Variants in PRIM2 observed in about 807,000 individuals in gnomAD.
PRIM2 encodes the protein DNA primase subunit 2.
Under a neutral mutation model 67.3 loss-of-function variants are expected in PRIM2, and 39 were observed. The observed-to-expected ratio is 0.58, with a 90% CI of 0.45 to 0.76. PRIM2 has a LOEUF of 0.76. Among genes scored for constraint, PRIM2 ranks in the 30% least tolerant of loss-of-function variants. The probability of loss-of-function intolerance (pLI) is 0.00; values close to 1 mark genes in which losing one functional copy is unlikely to be tolerated. For synonymous variants in PRIM2, 143 were observed against 198.7 expected, an observed-to-expected ratio of 0.72 and a Z score of 2.36; for missense variants, 398 against 598.7, an observed-to-expected ratio of 0.66 and a Z score of 3.50.
chr6:57,256,114 A>G, the PRIM2 span, among the ~76,000 whole-genome samples: 2 of 152,216 alleles, frequency 1.3e-5, no homozygotes, highest in South Asian at 4.1e-4. Flanking sequence ...CCATCAGCAT[A>G]CTGATTACAG....
chr6:57,505,479 C>T (rs1774231143), intron 7 of PRIM2, among the ~76,000 whole-genome samples: 1 of 152,156 alleles, frequency 6.6e-6, no homozygotes, highest in Non-Finnish European at 1.5e-5. Context: ...CATTCTGTGC[C>T]TATTGTTTCA....
rs1774637581 is a variant in PRIM2, at chr6:57,522,099, G to A, written c.762-10312G>A. ...ATTCAGGTTACCGCCAAGCTAATCA[G>A]AATTCAAGATTGCTTCCCTAATAGT... On this transcript the variant is annotated intron_variant, in intron 8 of 13. Transcript: ENST00000615550. Among the ~76,000 whole-genome samples the A allele has an allele frequency of 2.0e-5, 3 of 151,834 alleles. No individual in the cohort carries two copies. The South Asian group carries it at 6.3e-4, about 32-fold the overall frequency.
At chr6:57,518,908 T>C (rs1414288198) in intron 8 of PRIM2, among the ~76,000 whole-genome samples, 1 of 152,186 alleles carries the variant, frequency 6.6e-6, no homozygotes. Flanking sequence ...CCTGCCCCGA[T>C]ATTCACGTAG....
chr6:57,370,898 A>G (rs1769531719), intron 5 of PRIM2, among the ~76,000 whole-genome samples: 1 of 152,036 alleles, frequency 6.6e-6, no homozygotes, highest in East Asian at 1.9e-4. Flanking sequence ...GGGTTTCACC[A>G]TGTTGGCCAG....
chr6:57,294,452 G>T, the PRIM2 span, among the ~76,000 whole-genome samples: 1 of 152,250 alleles, frequency 6.6e-6, no homozygotes, highest in African/African-American at 2.4e-5. Context: ...CTGCACTCCA[G>T]CCTGGGCAAC....
chr6:57,304,457 T>C, the PRIM2 span, among the ~76,000 whole-genome samples: 1 of 152,216 alleles, frequency 6.6e-6, no homozygotes, highest in Admixed American at 6.5e-5. Context: ...ATTCCCACAG[T>C]GAAGGTCATT....
rs571328997 is a variant in PRIM2, at chr6:57,389,496, A to G, written c.693+7328A>G. ...AAGAAACCAGACTTCCAAAAAATGTATTTATACACATCTTATTTAGATACA... is the reference window on the plus strand; with the variant it reads ...AAGAAACCAGACTTCCAAAAAATGTGTTTATACACATCTTATTTAGATACA... On this transcript the variant is annotated intron_variant, in intron 7 of 13. Coordinates refer to ENST00000615550, the MANE Select transcript of PRIM2 (RefSeq NM_000947.5). 4.7e-4 allele frequency among the ~76,000 whole-genome samples: 72 copies of G among 152,270 alleles called. No individual in the cohort carries two copies. In the East Asian group the frequency reaches 0.011, roughly 23 times the overall value.
intron 7 of PRIM2, among the ~76,000 whole-genome samples, chr6:57,393,410 T>C (rs1770423426): frequency 1.3e-5 from 2 of 152,222 alleles, no homozygotes; most frequent in Non-Finnish European, 2.9e-5. Flanking sequence ...TCATTAGTGA[T>C]GTTGAGCATT....
chr6:57,521,381 T>TTTTTTG (rs1254761117), intron 8 of PRIM2, among the ~76,000 whole-genome samples: 4 of 147,930 alleles, frequency 2.7e-5, no homozygotes, highest in African/African-American at 9.9e-5. Context: ...TTTTTTTTTT[T>TTTTTTG]TTTTTTTTTT....
At chr6:57,489,374 G>A (rs1344876665) in intron 7 of PRIM2, among the ~76,000 whole-genome samples, 63 of 152,358 alleles carry the variant, frequency 4.1e-4, no homozygotes, top group African/African-American at 1.4e-3. Context: ...AGCTAACACG[G>A]TGAAACCCCG....
intron 5 of PRIM2, among the ~76,000 whole-genome samples, chr6:57,350,027 T>C (rs1312776790): frequency 3.3e-5 from 5 of 152,202 alleles, no homozygotes; most frequent in Non-Finnish European, 4.4e-5. Flanking sequence ...GACCCCTTCA[T>C]ATACAGAGTT....
At chr6:57,528,069 T>C (rs1774798709) in intron 8 of PRIM2, among the ~76,000 whole-genome samples, 1 of 151,428 alleles carries the variant, frequency 6.6e-6, no homozygotes, top group Admixed American at 6.6e-5. Context: ...GCTCAAGCAA[T>C]CCTCCCACCT....
At chr6:57,539,563 TCTTTGTGTG>T (rs1297040208) in intron 10 of PRIM2, among the ~76,000 whole-genome samples, 4 of 106,190 alleles carry the variant, frequency 3.8e-5, no homozygotes, top group African/African-American at 1.3e-4. Flanking sequence ...TTGATTATAT[TCTTTGTGTG>T]TGTGTGTGTG....
intron 7 of PRIM2, among the ~76,000 whole-genome samples, chr6:57,458,406 G>T (rs1375784221): frequency 9.2e-5 from 14 of 152,192 alleles, no homozygotes; most frequent in Non-Finnish European, 2.1e-4. Flanking sequence ...ATTATAGAGT[G>T]GGTGTTGTGA....
chr6:57,317,874 T>G (rs1162391024), intron 1 of PRIM2, among the ~76,000 whole-genome samples, 173 bp downstream of exon 1: 7 of 152,042 alleles, frequency 4.6e-5, no homozygotes. Flanking sequence ...TGGGGAGAGA[T>G]AGGTTTGCCA....
At chr6:57,403,419 G>C (rs1770779932) in intron 7 of PRIM2, among the ~76,000 whole-genome samples, 2 of 151,604 alleles carry the variant, frequency 1.3e-5, no homozygotes. Flanking sequence ...ATCACACCCG[G>C]CTAATTTTTT....
intron 5 of PRIM2, among the ~76,000 whole-genome samples, chr6:57,337,322 A>T (rs543777186): frequency 6.6e-6 from 1 of 152,244 alleles, no homozygotes; most frequent in African/African-American, 2.4e-5. Flanking sequence ...GTCAACAATG[A>T]TACCCAGGAA....
chr6:57,446,531 AG>A (rs1203687629), intron 7 of PRIM2, among the ~76,000 whole-genome samples: 1 of 149,940 alleles, frequency 6.7e-6, no homozygotes, highest in Non-Finnish European at 1.5e-5. Flanking sequence ...CTCTTGCCTC[AG>A]CCTCCCCAGT....
intron 7 of PRIM2, among the ~76,000 whole-genome samples, chr6:57,410,318 T>G (rs1216580196): frequency 3.4e-5 from 4 of 117,008 alleles, no homozygotes; most frequent in African/African-American, 1.4e-4. Context: ...GGTGACAGAG[T>G]GAAACGCCAT....
Sources: allele counts gnomAD v4.1 joint callset (sites outside exome capture counted in the v4.1 genomes callset), GRCh38; gene constraint gnomAD v4.1.1; transcripts MANE v1.5; gene names NCBI Gene and HGNC (gene_info 2026-07-23, HGNC 2026-07-21).